Variants in POU6F2 observed in about 807,000 individuals in gnomAD.
POU6F2 encodes the protein POU domain, class 6, transcription factor 2.
In POU6F2, 31 loss-of-function variants were observed where a neutral mutation model predicts 71.3. The observed-to-expected ratio is 0.43, with a 90% confidence interval of 0.33 to 0.59. The LOEUF (loss-of-function observed/expected upper bound fraction) is 0.59. Among genes scored for constraint, POU6F2 ranks in the 20% least tolerant of loss-of-function variants. The probability of loss-of-function intolerance (pLI) is 0.04; values close to 1 mark genes in which losing one functional copy is unlikely to be tolerated. For missense variants in POU6F2, 783 were observed against 856.8 expected (o/e 0.91, Z 1.07); for synonymous variants, 347 against 355.7 (o/e 0.98, Z 0.27).
At chr7:39,061,683 G>T (rs1162631283) in intron 1 of POU6F2, among the ~76,000 whole-genome samples, 1 of 152,106 alleles carries the variant, frequency 6.6e-6, no homozygotes, top group East Asian at 1.9e-4. Flanking sequence ...TTAAACTTTT[G>T]GTGGTGAATA....
intron 4 of POU6F2, among the ~76,000 whole-genome samples, chr7:39,306,168 A>C (rs906140466): frequency 3.3e-5 from 5 of 152,210 alleles, no homozygotes; most frequent in African/African-American, 4.8e-5. Flanking sequence ...TAAATCAAGA[A>C]CTGCCAGCCT....
In POU6F2 at chr7:39,196,625, G is replaced by GGT. The variant is rs138036658; in HGVS notation, c.278-7604_278-7603dup. Among the ~76,000 whole-genome samples the GGT allele has an allele frequency of 8.3e-3, 1,267 of 152,150 alleles. 11 individuals carry two copies. Among genetic ancestry groups the GGT allele is most frequent in the Non-Finnish European group, 0.014 (932 of 68,012 alleles). On this transcript the variant is annotated intron_variant, in intron 2 of 9. Coordinates refer to ENST00000518318, the MANE Select transcript of POU6F2 (RefSeq NM_001370959.1). ...AATACAAACATTAGCCAGGTGTGGTGGTGTGTGCCTGTAATTCCAGCTACT... is the reference window on the plus strand; with the variant it reads ...AATACAAACATTAGCCAGGTGTGGTGGTGTGTGTGCCTGTAATTCCAGCTACT...
intron 2 of POU6F2, among the ~76,000 whole-genome samples, chr7:39,136,964 G>A (rs943599905): frequency 7.1e-6 from 1 of 141,324 alleles, no homozygotes; most frequent in Non-Finnish European, 1.5e-5. Flanking sequence ...GCAGTCAGCT[G>A]CAATTGTGCC....
chr7:39,041,228 A>G (rs1036483273), intron 1 of POU6F2, among the ~76,000 whole-genome samples: 4 of 151,960 alleles, frequency 2.6e-5, no homozygotes, highest in Non-Finnish European at 5.9e-5. Flanking sequence ...TGTTGCATCG[A>G]TGGAACCATC....
chr7:39,132,894 C>A (rs1036505851), intron 2 of POU6F2, among the ~76,000 whole-genome samples: 1 of 152,058 alleles, frequency 6.6e-6, no homozygotes, highest in African/African-American at 2.4e-5. Context: ...TCATTAGTGA[C>A]ATGGAAATGG....
chr7:39,440,757 G>C (rs4419726), intron 7 of POU6F2, among the ~76,000 whole-genome samples: 51,106 of 151,934 alleles, frequency 0.34, 9,587 homozygotes, highest in East Asian at 0.58. Context: ...GAGGAGAAGA[G>C]GCACTCTGAT....
Position 39,275,390 on chromosome 7 carries a change from T to G in POU6F2, c.599-64252T>G, listed in dbSNP as rs977300393. On this transcript the variant is annotated intron_variant, in intron 4 of 9. Transcript: ENST00000518318. ...AGGAGAACTACAAACCACTGCTCAATGAAATAAAAGAGGATACAAACAAAT... is the reference window on the plus strand; with the variant it reads ...AGGAGAACTACAAACCACTGCTCAAGGAAATAAAAGAGGATACAAACAAAT... Among the ~76,000 whole-genome samples the G allele has an allele frequency of 1.9e-3, 286 of 152,040 alleles. 1 individual carries two copies. Among genetic ancestry groups the G allele is most frequent in the East Asian group, 5.2e-3 (27 of 5,166 alleles).
intron 4 of POU6F2, among the ~76,000 whole-genome samples, chr7:39,227,984 A>G (rs1319123004): frequency 6.6e-6 from 1 of 152,134 alleles, no homozygotes; most frequent in Non-Finnish European, 1.5e-5. Flanking sequence ...GAGGAAGGGA[A>G]GGAGAGAGGA....
At chr7:39,223,198 A>C (rs1373230836) in intron 4 of POU6F2, among the ~76,000 whole-genome samples, 1 of 152,190 alleles carries the variant, frequency 6.6e-6, no homozygotes, top group East Asian at 1.9e-4. Flanking sequence ...GACTTCTCCT[A>C]ATATGGCTTA....
At chr7:39,273,929 G>A (rs1163777301) in intron 4 of POU6F2, among the ~76,000 whole-genome samples, 1 of 151,994 alleles carries the variant, frequency 6.6e-6, no homozygotes, top group African/African-American at 2.4e-5. Context: ...ACTATAAAGA[G>A]TAAAAACAAA....
chr7:39,434,143 G>A (rs1375863153), intron 7 of POU6F2, among the ~76,000 whole-genome samples: 3 of 152,018 alleles, frequency 2.0e-5, no homozygotes, highest in African/African-American at 4.8e-5. Flanking sequence ...AATGGAGTCC[G>A]GACAGCTGGG....
rs17687162 is a variant in POU6F2 at position 39,458,267 on chromosome 7, C to G, written c.1490-2280C>G. Among the ~76,000 whole-genome samples the G allele has an allele frequency of 8.5e-3, 1,297 of 152,234 alleles. 6 individuals are homozygous for G. The highest frequency in any genetic ancestry group is 0.014 in the Non-Finnish European group (956 of 68,020). ...AGGAGCAGCCAGAATCAGTTCCAGC[C>G]CACTGGACATTACCAAGTGCAAATG... On this transcript the variant is annotated intron_variant, in intron 8 of 9. Transcript: ENST00000518318.
At chr7:39,365,300 A>C (rs1041283595) in intron 5 of POU6F2, among the ~76,000 whole-genome samples, 4 of 152,216 alleles carry the variant, frequency 2.6e-5, no homozygotes, top group Non-Finnish European at 4.4e-5. Context: ...AGGGTCCCCT[A>C]TTCAACAAAT....
At chr7:39,394,730 C>G (rs973701634) in intron 5 of POU6F2, among the ~76,000 whole-genome samples, 1 of 152,122 alleles carries the variant, frequency 6.6e-6, no homozygotes, top group Non-Finnish European at 1.5e-5. Flanking sequence ...TGTGATTTAT[C>G]CAGGATTGAG....
rs527249710 is a variant in POU6F2, at chr7:39,327,305, C to T, written c.599-12337C>T. 1.7e-4 allele frequency among the ~76,000 whole-genome samples: 26 copies of T among 151,276 alleles called. No homozygotes were observed. In the East Asian group the frequency reaches 3.9e-3, roughly 23 times the overall value. Reference sequence around the variant, plus strand: ...AAAAAAAAAAAAACAGAAATTCATACGCACATACCCACTTAACACATATTT... The same window carrying T: ...AAAAAAAAAAAAACAGAAATTCATATGCACATACCCACTTAACACATATTT... On this transcript the variant is annotated intron_variant, in intron 4 of 9. Coordinates refer to ENST00000518318, the MANE Select transcript of POU6F2 (RefSeq NM_001370959.1).
chr7:39,026,548 A>G (rs1789806848), intron 1 of POU6F2, among the ~76,000 whole-genome samples: 1 of 152,104 alleles, frequency 6.6e-6, no homozygotes, highest in Non-Finnish European at 1.5e-5. Context: ...GGAATTGAAC[A>G]ATGAGAACAC....
chr7:39,421,409 C>T (rs1196344598), intron 6 of POU6F2, among the ~76,000 whole-genome samples: 3 of 152,184 alleles, frequency 2.0e-5, no homozygotes, highest in Non-Finnish European at 4.4e-5. Context: ...ATCTTGGACT[C>T]ATGAAACTGA....
At chr7:39,098,213 G>A (rs576997687) in intron 2 of POU6F2, among the ~76,000 whole-genome samples, 1 of 151,028 alleles carries the variant, frequency 6.6e-6, no homozygotes, top group South Asian at 2.1e-4. Flanking sequence ...ATTTACTTAC[G>A]TTTTTACATG....
chr7:39,439,999 A>T (rs573642204), intron 7 of POU6F2, among the ~76,000 whole-genome samples: 2 of 152,246 alleles, frequency 1.3e-5, no homozygotes, highest in South Asian at 4.1e-4. Flanking sequence ...TAAGATTGTT[A>T]AATAGTGGCC....
Sources: gnomAD v4.1 joint callset for allele counts (sites outside exome capture counted in the v4.1 genomes callset) on GRCh38, gnomAD v4.1.1 for gene constraint, MANE v1.5 for transcripts, NCBI Gene and HGNC (gene_info 2026-07-23, HGNC 2026-07-21) for gene names.